SLC7A14: variants seen among roughly 807,000 people sequenced by gnomAD.
SLC7A14 encodes solute carrier family 7 member 14, also known as gamma-aminobutyric acid transporter SLC7A14.
A neutral mutation model predicts 60.2 loss-of-function variants in SLC7A14; 37 were observed. The ratio of observed to expected loss-of-function variants is 0.61; its 90% CI spans 0.47 to 0.81. The LOEUF is 0.81. Among genes scored for constraint, SLC7A14 ranks in the 30% least tolerant of loss-of-function variants. SLC7A14 has a pLI of 0.00. For missense variants in SLC7A14, 886 were observed against 982.7 expected, an observed-to-expected ratio of 0.90 and a Z score of 1.32; for synonymous variants, 399 against 395.8, an observed-to-expected ratio of 1.01 and a Z score of -0.10.
intron 4 of SLC7A14, 38 bp from the exon 5 acceptor site, chr3:170,486,406 G>T: frequency 6.2e-7 from 1 of 1,613,858 alleles, no homozygotes; most frequent in Non-Finnish European, 8.5e-7. Context: ...TCAGAAGATC[G>T]GGGTGGCACC....
intron 1 of SLC7A14, among the ~76,000 whole-genome samples, chr3:170,553,063 C>T (rs1159403604): frequency 6.6e-6 from 1 of 152,148 alleles, no homozygotes; most frequent in Admixed American, 6.5e-5. Flanking sequence ...GCTAGTTGTG[C>T]CCTGCCTTGA....
chr3:170,545,964 C>T lies in SLC7A14; in HGVS notation c.-152-18876G>A, dbSNP rs114565108. ...GCCTTCCTCTGCTGCCCTTTAATGA[C>T]TTAGGACTTATCTGAGCAGGAAACC... On this transcript the variant is annotated intron_variant, in intron 1 of 7. Transcript: ENST00000231706. 1.3e-3 allele frequency among the ~76,000 whole-genome samples: 196 copies of T among 152,308 alleles called. 2 individuals are homozygous for T. The highest frequency in any genetic ancestry group is 4.6e-3 in the African/African-American group (192 of 41,578).
At chr3:170,575,271 T>C (rs564221723) in intron 1 of SLC7A14, among the ~76,000 whole-genome samples, 1 of 152,324 alleles carries the variant, frequency 6.6e-6, no homozygotes, top group South Asian at 2.1e-4. Context: ...TGATAATTTA[T>C]ATGCAAGCAT....
intron 7 of SLC7A14, among the ~76,000 whole-genome samples, chr3:170,473,531 T>C (rs1191239276): frequency 9.2e-5 from 14 of 152,210 alleles, no homozygotes; most frequent in Admixed American, 7.9e-4. Context: ...CCACTGCAGA[T>C]AGCTGAGGCA....
At chr3:170,494,790 C>T (rs1712328752) in intron 4 of SLC7A14, among the ~76,000 whole-genome samples, 2 of 152,322 alleles carry the variant, frequency 1.3e-5, no homozygotes, top group South Asian at 2.1e-4. Flanking sequence ...AATGTTCCTC[C>T]AAGATTCTCT....
At chr3:170,570,874 A>G (rs1429920768) in intron 1 of SLC7A14, among the ~76,000 whole-genome samples, 3 of 152,136 alleles carry the variant, frequency 2.0e-5, no homozygotes. Context: ...TAGGAGTACA[A>G]GTGGTTTTGG....
intron 1 of SLC7A14, among the ~76,000 whole-genome samples, chr3:170,528,866 G>A (rs1713589974): frequency 6.6e-6 from 1 of 152,036 alleles, no homozygotes; most frequent in Non-Finnish European, 1.5e-5. Context: ...AACTGCTTTG[G>A]TTGAGGTCTT....
chr3:170,546,349 T>G (rs895625496), intron 1 of SLC7A14, among the ~76,000 whole-genome samples: 1 of 152,152 alleles, frequency 6.6e-6, no homozygotes, highest in Non-Finnish European at 1.5e-5. Flanking sequence ...AGGGCATTTG[T>G]GTTGGGGTCT....
intron 1 of SLC7A14, among the ~76,000 whole-genome samples, chr3:170,529,432 A>G (rs1424131935): frequency 1.3e-5 from 2 of 152,332 alleles, no homozygotes; most frequent in East Asian, 3.9e-4. Context: ...TATTCAGAAA[A>G]TTGGCCTGTT....
chr3:170,568,188 A>C (rs1714846812), intron 1 of SLC7A14, among the ~76,000 whole-genome samples: 1 of 152,250 alleles, frequency 6.6e-6, no homozygotes, highest in East Asian at 1.9e-4. Flanking sequence ...TTTTTGTATA[A>C]GGTGTAAGGA....
chr3:170,582,849 G>A (rs1715273147), intron 1 of SLC7A14, among the ~76,000 whole-genome samples: 1 of 152,098 alleles, frequency 6.6e-6, no homozygotes, highest in Non-Finnish European at 1.5e-5. Context: ...ATGAAGATGA[G>A]ACTTTACTAT....
intron 1 of SLC7A14, among the ~76,000 whole-genome samples, chr3:170,553,208 A>G (rs531983027): frequency 7.9e-5 from 12 of 152,206 alleles, no homozygotes; most frequent in African/African-American, 2.4e-4. Context: ...CTCTACCTCA[A>G]TCCCAAGCAC....
At chr3:170,496,718 G>T in intron 4 of SLC7A14, 1 of 812,552 alleles carries the variant, frequency 1.2e-6, no homozygotes, top group Non-Finnish European at 2.2e-6. Context: ...GCCTATGGGG[G>T]CCTCACAAGC....
intron 1 of SLC7A14, among the ~76,000 whole-genome samples, chr3:170,541,731 A>T (rs1714022047): frequency 6.6e-6 from 1 of 152,224 alleles, no homozygotes; most frequent in Non-Finnish European, 1.5e-5. Flanking sequence ...GGAATCTATG[A>T]GTGGTGGGAT....
chr3:170,480,857 G>T lies in SLC7A14; in HGVS notation c.1425C>A (p.Gly475=), dbSNP rs1373635692. ...SPVSEGDEFS[G]PATNTCGAKN... ...TGGCCCCACATGTGTTGGTGGCTGG[G>T]CCAGAAAACTCATCCCCCTCACTCA... The change falls in exon 7 of 8, where the codon GGC becomes GGA. Residue 475 remains glycine, a synonymous_variant. Transcript: ENST00000231706. 1 of 1,613,956 alleles carries T rather than the reference G, an allele frequency of 6.2e-7. No homozygotes were observed. The highest frequency in any genetic ancestry group is 1.3e-5 in the African/African-American group (1 of 74,892).
rs757402409 is a variant in SLC7A14, at chr3:170,481,042, C to T, written c.1240G>A (p.Gly414Ser). 157 of 1,613,980 alleles carry T rather than the reference C, an allele frequency of 9.7e-5. No homozygotes were observed. Among genetic ancestry groups the T allele is most frequent in the Non-Finnish European group, 1.2e-4 (142 of 1,180,038 alleles). ...ACCAAGGTGTAGGCCAGGAGCGTGC[C>T]GATAGACATCATCTCTATCAGGTCT... ...LRDLIEMMSI[G>S]TLLAYTLVSV... Residue 414 changes from glycine (G) to serine (S), a missense_variant, in exon 7 of 8, where the codon GGC (glycine) becomes AGC (serine). Physicochemically the swap from Gly to Ser is moderately conservative, Grantham distance 56. Transcript: ENST00000231706.
chr3:170,563,097 A>G (rs566897996), intron 1 of SLC7A14, among the ~76,000 whole-genome samples: 1 of 152,262 alleles, frequency 6.6e-6, no homozygotes, highest in African/African-American at 2.4e-5. Flanking sequence ...ACTCCCTTTA[A>G]TGGTTAATGT....
At chr3:170,536,083 A>G (rs1480381498) in intron 1 of SLC7A14, among the ~76,000 whole-genome samples, 2 of 152,144 alleles carry the variant, frequency 1.3e-5, no homozygotes, top group Non-Finnish European at 2.9e-5. Flanking sequence ...CTGCTGTGTG[A>G]CCTTGGGTTT....
At chr3:170,579,851 A>C (rs1056946204) in intron 1 of SLC7A14, among the ~76,000 whole-genome samples, 1 of 152,224 alleles carries the variant, frequency 6.6e-6, no homozygotes, top group African/African-American at 2.4e-5. Context: ...AACTCCATTT[A>C]AGCTTTGAGT....
Sources: allele counts gnomAD v4.1 joint callset (sites outside exome capture counted in the v4.1 genomes callset), GRCh38; gene constraint gnomAD v4.1.1; transcripts MANE v1.5; gene names NCBI Gene and HGNC (gene_info 2026-07-23, HGNC 2026-07-21).